Variants in LHFPL3 observed in about 807,000 individuals in gnomAD.
The protein encoded by LHFPL3 is LHFPL tetraspan subfamily member 3 protein.
In LHFPL3, 5 loss-of-function variants were observed where a neutral mutation model predicts 19.3. The ratio of observed to expected loss-of-function variants is 0.26; its 90% CI spans 0.14 to 0.54. The LOEUF is 0.54. Among genes scored for constraint, LHFPL3 ranks in the 20% least tolerant of loss-of-function variants. The pLI is 0.94. For synonymous variants in LHFPL3, 133 were observed against 126.2 expected (o/e 1.05, Z -0.36); for missense variants, 249 against 307.4 (o/e 0.81, Z 1.42).
intron 2 of LHFPL3, among the ~76,000 whole-genome samples, chr7:104,846,127 CAT>C (rs1003099813): frequency 1.3e-5 from 2 of 152,210 alleles, no homozygotes. Context: ...CATACACACA[CAT>C]GGGCACACAC....
intron 1 of LHFPL3, among the ~76,000 whole-genome samples, chr7:104,379,657 A>G (rs1380475592): frequency 6.6e-6 from 1 of 152,192 alleles, no homozygotes; most frequent in Non-Finnish European, 1.5e-5. Context: ...GCATCAGTCA[A>G]TGCTCCTAGG....
intron 2 of LHFPL3, among the ~76,000 whole-genome samples, chr7:104,850,454 G>A (rs755247489): frequency 6.6e-6 from 1 of 152,156 alleles, no homozygotes; most frequent in East Asian, 1.9e-4. Context: ...TTCATTTTGG[G>A]TGTTGTTTTC....
At position 104,817,608 on chromosome 7, in the gene LHFPL3, A is replaced by G. The variant is rs73417617; in HGVS notation, c.682+80697A>G. ...ATAGCTGAGGACAAAAACAACATCT[A>G]TGCTTCATCATAGAGCCCTGAGGCC... On this transcript the variant is annotated intron_variant, in intron 2 of 2. Coordinates refer to ENST00000424859, the MANE Select transcript of LHFPL3 (RefSeq NM_199000.3). Among the ~76,000 whole-genome samples the G allele has an allele frequency of 7.8e-3, 1,181 of 152,262 alleles. 19 individuals are homozygous for G. Among genetic ancestry groups the G allele is most frequent in the African/African-American group, 0.027 (1,131 of 41,556 alleles).
intron 1 of LHFPL3, among the ~76,000 whole-genome samples, chr7:104,673,969 A>G (rs1235328012): frequency 5.4e-5 from 8 of 148,346 alleles, no homozygotes; most frequent in African/African-American, 1.5e-4. Flanking sequence ...TGGGTGCTGG[A>G]AAGAATGTTC....
chr7:104,903,247 C>T (rs978310142), intron 2 of LHFPL3, among the ~76,000 whole-genome samples: 1 of 152,120 alleles, frequency 6.6e-6, no homozygotes, highest in African/African-American at 2.4e-5. Flanking sequence ...TCAAACCAGG[C>T]AGCTTAGCAC....
chr7:104,524,560 G>C (rs938594972), intron 1 of LHFPL3, among the ~76,000 whole-genome samples: 13 of 152,112 alleles, frequency 8.5e-5, no homozygotes, highest in African/African-American at 2.4e-4. Context: ...GCCTAGCCCA[G>C]TGCTTCTCAA....
At chr7:104,861,226 G>GC (rs1391009725) in intron 2 of LHFPL3, among the ~76,000 whole-genome samples, 2 of 152,090 alleles carry the variant, frequency 1.3e-5, no homozygotes, top group Non-Finnish European at 2.9e-5. Context: ...AAAACATTTT[G>GC]CCCCCCTAAG....
chr7:104,603,162 CCTTTCTTTCTTTCTTTCTTTCTTCCTTT>C (rs1355185186), intron 1 of LHFPL3, among the ~76,000 whole-genome samples: 1 of 128,522 alleles, frequency 7.8e-6, no homozygotes. Context: ...TTCCTTCCTT[CCTTTCTTTCTTTCTTTCTTTCTTCCTTT>C]CTTTCTTTCT....
At chr7:104,693,264 G>A (rs1403673689) in intron 1 of LHFPL3, among the ~76,000 whole-genome samples, 1 of 152,154 alleles carries the variant, frequency 6.6e-6, no homozygotes, top group East Asian at 1.9e-4. Flanking sequence ...GGACTTGCCT[G>A]GTCCCAGATG....
At chr7:104,819,377 G>GAAA (rs34477587) in intron 2 of LHFPL3, among the ~76,000 whole-genome samples, 4 of 125,890 alleles carry the variant, frequency 3.2e-5, no homozygotes, top group Middle Eastern at 8.5e-3. Flanking sequence ...TTTAGATCTG[G>GAAA]AAAAAAAAAA....
At chr7:104,603,671 G>A (rs1791031124) in intron 1 of LHFPL3, among the ~76,000 whole-genome samples, 1 of 152,178 alleles carries the variant, frequency 6.6e-6, no homozygotes, top group Admixed American at 6.5e-5. Flanking sequence ...ACAGTGGTAG[G>A]ACAGCCATAG....
intron 1 of LHFPL3, among the ~76,000 whole-genome samples, chr7:104,352,888 C>G (rs1484003073): frequency 6.6e-6 from 1 of 152,176 alleles, no homozygotes; most frequent in Non-Finnish European, 1.5e-5. Flanking sequence ...GTTGGGGCTT[C>G]CCAACTCCAT....
intron 1 of LHFPL3, among the ~76,000 whole-genome samples, chr7:104,420,622 C>T (rs866779578): frequency 7.8e-5 from 11 of 140,420 alleles, no homozygotes; most frequent in South Asian, 4.5e-4. Flanking sequence ...TGCAGTGGCG[C>T]GATCTCGGCT....
rs1344146440 is a variant in LHFPL3, at chr7:104,824,500, A to T, written c.683-81687A>T. On this transcript the variant is annotated intron_variant, in intron 2 of 2. Transcript: ENST00000424859. ...ATAATTATATATAATCTATAATTAT[A>T]TATATTATTTTATATATATTATTTT... 2.6e-4 allele frequency among the ~76,000 whole-genome samples: 16 copies of T among 61,448 alleles called. 1 individual carries two copies. The East Asian group carries it at 8.3e-3, about 32-fold the overall frequency. 40.3% of individuals were successfully genotyped at this position (61,448 alleles called of 152,430 possible).
At chr7:104,367,969 A>C (rs1191995209) in intron 1 of LHFPL3, among the ~76,000 whole-genome samples, 4 of 152,240 alleles carry the variant, frequency 2.6e-5, no homozygotes, top group Non-Finnish European at 1.5e-5. Flanking sequence ...CCTTTAGCCC[A>C]GCACTTAGAA....
At chr7:104,706,782 A>G (rs980494408) in intron 1 of LHFPL3, among the ~76,000 whole-genome samples, 2 of 152,178 alleles carry the variant, frequency 1.3e-5, no homozygotes, top group African/African-American at 4.8e-5. Flanking sequence ...GGTCAATTGT[A>G]TGGGTGATAT....
chr7:104,357,968 A>G (rs970623320), intron 1 of LHFPL3, among the ~76,000 whole-genome samples: 1 of 152,244 alleles, frequency 6.6e-6, no homozygotes, highest in Non-Finnish European at 1.5e-5. Flanking sequence ...ATGGACAATC[A>G]CAAATCCCAT....
chr7:104,468,658 C>CTTT (rs11388073), intron 1 of LHFPL3, among the ~76,000 whole-genome samples: 4 of 137,284 alleles, frequency 2.9e-5, no homozygotes, highest in Non-Finnish European at 3.1e-5. Flanking sequence ...TTGTATAAAC[C>CTTT]TTTTTTTTTT....
At chr7:104,765,314 G>C (rs1298131779) in intron 2 of LHFPL3, among the ~76,000 whole-genome samples, 1 of 152,204 alleles carries the variant, frequency 6.6e-6, no homozygotes, top group African/African-American at 2.4e-5. Context: ...AGTAAGAATA[G>C]ATAACTTTCT....
Sources: allele counts gnomAD v4.1 joint callset (sites outside exome capture counted in the v4.1 genomes callset), GRCh38; gene constraint gnomAD v4.1.1; transcripts MANE v1.5; gene names NCBI Gene and HGNC (gene_info 2026-07-23, HGNC 2026-07-21).